Variants in MSI2 observed in about 807,000 individuals in gnomAD.
MSI2 encodes RNA-binding protein Musashi homolog 2.
A neutral mutation model predicts 45.6 loss-of-function variants in MSI2; 17 were observed. That is an observed-to-expected ratio of 0.37 (90% confidence interval 0.26 to 0.56). MSI2 has a LOEUF of 0.56. Ranked by LOEUF, MSI2 falls within the 20% of genes least tolerant of loss-of-function variation. MSI2 has a pLI of 0.77. For synonymous variants in MSI2, 156 were observed against 158.2 expected, an observed-to-expected ratio of 0.99 and a Z score of 0.11; for missense variants, 293 against 444.2, an observed-to-expected ratio of 0.66 and a Z score of 3.06.
At chr17:57,590,881 C>T (rs1904767517) in intron 7 of MSI2, among the ~76,000 whole-genome samples, 1 of 152,200 alleles carries the variant, frequency 6.6e-6, no homozygotes, top group Admixed American at 6.5e-5. Context: ...CCTCTCCATC[C>T]TGGGTGGTGG....
chr17:57,442,147 C>G (rs1266285635), intron 6 of MSI2, among the ~76,000 whole-genome samples: 1 of 152,014 alleles, frequency 6.6e-6, no homozygotes, highest in Non-Finnish European at 1.5e-5. Flanking sequence ...AGCGATTCTC[C>G]TGCCTCAGCC....
rs190237160 is a variant in MSI2 at position 57,627,367 on chromosome 17, G to C, written c.727+64G>C. The C allele has an allele frequency of 7.2e-7, 1 of 1,389,214 alleles. No homozygotes were observed. Among genetic ancestry groups the C allele is most frequent in the African/African-American group, 1.4e-5 (1 of 70,402 alleles). 86.1% of individuals were successfully genotyped at this position (1,389,214 alleles called of 1,614,324 possible). A position where few individuals can be genotyped will look rare whatever the true frequency, so the allele number is the denominator to read the frequency against. On this transcript the variant is annotated intron_variant, in intron 10 of 13. Coordinates refer to ENST00000284073, the MANE Select transcript of MSI2 (RefSeq NM_138962.4). The surrounding 1 kb of genome is among the most constrained non-coding windows in gnomAD (Gnocchi z 4.6). The stretch of plus-strand genomic sequence containing the variant: ...AGGTGGGCTGCATTTGCGGGGAGGT[G>C]AGAGGACCCCTAAAGAGAATGCATT...
At chr17:57,361,950 A>G (rs1244352224) in intron 5 of MSI2, among the ~76,000 whole-genome samples, 1 of 152,360 alleles carries the variant, frequency 6.6e-6, no homozygotes, top group East Asian at 1.9e-4. Flanking sequence ...ATTTTCTTAC[A>G]TATTTCTACA....
At chr17:57,444,086 C>A (rs1473657234) in intron 6 of MSI2, among the ~76,000 whole-genome samples, 1 of 152,098 alleles carries the variant, frequency 6.6e-6, no homozygotes, top group African/African-American at 2.4e-5. Flanking sequence ...TGCCCCATTC[C>A]CCTCACCCCA....
chr17:57,670,678 T>C (rs1912710998), intron 11 of MSI2, among the ~76,000 whole-genome samples: 1 of 152,216 alleles, frequency 6.6e-6, no homozygotes, highest in South Asian at 2.1e-4. Context: ...CCCAAGATGA[T>C]TAAATGCACC....
chr17:57,590,361 G>T (rs17761980), intron 7 of MSI2, among the ~76,000 whole-genome samples: 2 of 152,126 alleles, frequency 1.3e-5, no homozygotes, highest in East Asian at 3.9e-4. Context: ...CAGTGACTGC[G>T]TTTGGAGCAG....
chr17:57,459,008 G>A (rs1474874948), intron 6 of MSI2, among the ~76,000 whole-genome samples: 1 of 152,212 alleles, frequency 6.6e-6, no homozygotes, highest in African/African-American at 2.4e-5. Flanking sequence ...GCGTCGCTCG[G>A]AAGAATGCCT....
intron 6 of MSI2, among the ~76,000 whole-genome samples, chr17:57,467,941 T>C (rs926102942): frequency 1.4e-5 from 2 of 146,072 alleles, no homozygotes; most frequent in African/African-American, 5.1e-5. Flanking sequence ...GGCAGTCCCC[T>C]GCCAGAGCCA....
intron 6 of MSI2, among the ~76,000 whole-genome samples, chr17:57,527,817 A>G (rs768220711): frequency 6.6e-6 from 1 of 152,010 alleles, no homozygotes; most frequent in Non-Finnish European, 1.5e-5. Flanking sequence ...TCTTCCCCCT[A>G]TTACATTTGA....
chr17:57,529,589 A>T lies in MSI2; in HGVS notation c.406-87A>T, dbSNP rs542728431. 8.5e-7 allele frequency: 1 copy of T among 1,179,206 alleles called. No individual in the cohort carries two copies. Among genetic ancestry groups the T allele is most frequent in the Non-Finnish European group, 1.2e-6 (1 of 801,480 alleles). 73.0% of individuals were successfully genotyped at this position (1,179,206 alleles called of 1,614,324 possible). A position where few individuals can be genotyped will look rare whatever the true frequency, so the allele number is the denominator to read the frequency against. ...AACTATTACTTCTGTAATGGAAACT[A>T]CCCCCTCACCCCCCGACATGCATAT... On this transcript the variant is annotated intron_variant, in intron 6 of 13. Transcript: ENST00000284073. This position sits in a 1 kb window ranked among gnomAD's most constrained non-coding sequence, Gnocchi z 5.3.
At chr17:57,622,392 A>G (rs1908386159) in intron 9 of MSI2, among the ~76,000 whole-genome samples, 1 of 152,254 alleles carries the variant, frequency 6.6e-6, no homozygotes, top group Admixed American at 6.5e-5. Context: ...CTTCTCTGCC[A>G]CATAATCCCA....
At chr17:57,666,593 A>G (rs1334673321) in intron 11 of MSI2, among the ~76,000 whole-genome samples, 2 of 152,244 alleles carry the variant, frequency 1.3e-5, no homozygotes, top group African/African-American at 4.8e-5. Context: ...TGAGAAGACT[A>G]CATTAGGCTG....
intron 5 of MSI2, among the ~76,000 whole-genome samples, chr17:57,326,856 G>T (rs757928399): frequency 6.6e-6 from 1 of 152,186 alleles, no homozygotes; most frequent in Non-Finnish European, 1.5e-5. Flanking sequence ...CCACGGACTA[G>T]TAGCAATTGG....
At chr17:57,427,695 C>A (rs1447997351) in intron 6 of MSI2, among the ~76,000 whole-genome samples, 1 of 152,120 alleles carries the variant, frequency 6.6e-6, no homozygotes, top group Non-Finnish European at 1.5e-5. Context: ...TTAATCCAGC[C>A]TCTCCATCCA....
At chr17:57,305,600 G>T (rs1019417689) in intron 5 of MSI2, among the ~76,000 whole-genome samples, 9 of 152,170 alleles carry the variant, frequency 5.9e-5, no homozygotes, top group Admixed American at 3.3e-4. Context: ...TTGATATCGG[G>T]CAGTTCAGGC....
At chr17:57,587,583 C>T (rs1325999632) in intron 7 of MSI2, among the ~76,000 whole-genome samples, 1 of 141,768 alleles carries the variant, frequency 7.1e-6, no homozygotes, top group African/African-American at 2.5e-5. Flanking sequence ...AAGGTGGCTG[C>T]AGAGGCGCAG....
At chr17:57,270,517 T>C (rs1289233482) in intron 5 of MSI2, among the ~76,000 whole-genome samples, 1 of 152,252 alleles carries the variant, frequency 6.6e-6, no homozygotes, top group African/African-American at 2.4e-5. Flanking sequence ...GCTGGAAAGC[T>C]TCAGGTTAAT....
intron 5 of MSI2, among the ~76,000 whole-genome samples, chr17:57,310,577 A>G (rs7501571): frequency 0.51 from 77,675 of 151,800 alleles, 22,930 homozygotes; most frequent in Middle Eastern, 0.71. Flanking sequence ...CAAGTGATCC[A>G]CCCGCCTCGG....
chr17:57,646,232 T>A lies in MSI2; in HGVS notation c.728-5867T>A, dbSNP rs116273114. Among the ~76,000 whole-genome samples, 259 of 152,320 alleles carry A rather than the reference T, an allele frequency of 1.7e-3. 1 individual carries two copies. The highest frequency in any genetic ancestry group is 5.8e-3 in the African/African-American group (243 of 41,582). On this transcript the variant is annotated intron_variant, in intron 10 of 13. Transcript: ENST00000284073. Reference sequence around the variant, plus strand: ...AATAAGATATGCACACAAAAATAACTGTGCTTAGGTAAGGAAGAAGCTGGT... The same window carrying A: ...AATAAGATATGCACACAAAAATAACAGTGCTTAGGTAAGGAAGAAGCTGGT...
Sources: gnomAD v4.1 joint callset for allele counts (sites outside exome capture counted in the v4.1 genomes callset) on GRCh38, gnomAD v4.1.1 for gene constraint, Gnocchi (gnomAD v3.1) non-coding constraint, MANE v1.5 for transcripts, NCBI Gene and HGNC (gene_info 2026-07-23, HGNC 2026-07-21) for gene names.